ZNF732: variants seen among roughly 807,000 people sequenced by gnomAD.
ZNF732 encodes zinc finger protein 732, also known as zinc finger protein LOC654254.
A neutral mutation model predicts 11.5 loss-of-function variants in ZNF732; 12 were observed. The ratio of observed to expected loss-of-function variants is 1.05; its 90% confidence interval spans 0.67 to 1.70. ZNF732 has a LOEUF of 1.70. Ranked by LOEUF, ZNF732 falls within the 40% of genes most tolerant of loss-of-function variation. ZNF732 has a pLI of 0.00. For synonymous variants in ZNF732, 231 were observed against 236.5 expected (o/e 0.98, Z 0.21); for missense variants, 702 against 676.9 (o/e 1.04, Z -0.41).
intron 3 of ZNF732, among the ~76,000 whole-genome samples, chr4:287,329 C>G (rs1719752048): frequency 6.6e-6 from 1 of 151,694 alleles, no homozygotes; most frequent in South Asian, 2.1e-4. Flanking sequence ...ATTCTCCTGC[C>G]TCAGCCTCCC....
chr4:284,835 C>T (rs1379931042), intron 3 of ZNF732, among the ~76,000 whole-genome samples: 2 of 134,262 alleles, frequency 1.5e-5, no homozygotes, highest in Non-Finnish European at 3.1e-5. Flanking sequence ...CACACCACTG[C>T]ACTCCAGCCC....
intron 1 of ZNF732, among the ~76,000 whole-genome samples, chr4:302,126 G>A (rs1720130416): frequency 6.6e-6 from 1 of 152,204 alleles, no homozygotes; most frequent in South Asian, 2.1e-4. Context: ...GGAGCACTTT[G>A]CTGCACTTTG....
At chr4:274,130 A>G (rs782405677) in intron 3 of ZNF732, among the ~76,000 whole-genome samples, 1 of 151,828 alleles carries the variant, frequency 6.6e-6, no homozygotes, top group African/African-American at 2.4e-5. Flanking sequence ...ATCATATTAC[A>G]GAAAATATTG....
intron 3 of ZNF732, among the ~76,000 whole-genome samples, chr4:274,683 G>C (rs1290967756): frequency 6.6e-6 from 1 of 151,486 alleles, no homozygotes; most frequent in Non-Finnish European, 1.5e-5. Flanking sequence ...TGAAAGAAGA[G>C]ATTTCATGCA....
At chr4:282,120 TAA>T (rs1367757908) in intron 3 of ZNF732, among the ~76,000 whole-genome samples, 1 of 152,174 alleles carries the variant, frequency 6.6e-6, no homozygotes, top group African/African-American at 2.4e-5. Flanking sequence ...TCAACAAACT[TAA>T]AAGTCATTTG....
chr4:286,544 CAAG>C (rs1560160691), intron 3 of ZNF732, among the ~76,000 whole-genome samples: 1 of 152,160 alleles, frequency 6.6e-6, no homozygotes, highest in Admixed American at 6.5e-5. Flanking sequence ...AAGCCAGGCA[CAAG>C]AAGACAAGTG....
At position 305,417 on chromosome 4, in the gene ZNF732, T is replaced by A; in HGVS notation, c.-107A>T. ...TGTGACCGAATCACCGACGCCTCCC[T>A]GAGGGGTGAAAGCACGGCCGTGGAG... On this transcript the variant is annotated 5_prime_UTR_variant, in exon 1 of 4. Transcript: ENST00000419098. 1 of 1,519,374 alleles carries A rather than the reference T, an allele frequency of 6.6e-7. No homozygotes were observed. The highest frequency in any genetic ancestry group is 1.1e-5 in the South Asian group (1 of 88,088). 94.1% of individuals were successfully genotyped at this position (1,519,374 alleles called of 1,614,324 possible).
Position 271,203 on chromosome 4 carries a change from G to C in ZNF732, c.1654C>G (p.His552Asp). The change falls in exon 4 of 4, where the codon CAT becomes GAT. Residue 552 changes from histidine (H) to aspartate (D), a missense_variant. His to Asp is a moderately conservative substitution (Grantham distance 81). Coordinates refer to ENST00000419098, the MANE Select transcript of ZNF732 (RefSeq NM_001137608.3). ...SRVLNKYKTI[H>D]TGDKTPKCKG... ...CATTTGGGGGTTTTATCTCCAGTAT[G>C]AATTGTCTTATATTTATTCAGGACT... 1 of 1,555,520 alleles carries C rather than the reference G, an allele frequency of 6.4e-7. No individual in the cohort carries two copies. Among genetic ancestry groups the C allele is most frequent in the Non-Finnish European group, 8.7e-7 (1 of 1,149,048 alleles).
At chr4:299,155 G>A (rs1458618321) in intron 1 of ZNF732, among the ~76,000 whole-genome samples, 2 of 151,848 alleles carry the variant, frequency 1.3e-5, no homozygotes, top group Non-Finnish European at 2.9e-5. Context: ...GTTACAGTAA[G>A]CAGAGTAAAA....
At chr4:295,399 C>T (rs1719925335) in intron 3 of ZNF732, 39 bp downstream of exon 3, 3 of 1,537,064 alleles carry the variant, frequency 2.0e-6, no homozygotes, top group Non-Finnish European at 2.7e-6. Context: ...GACCTTGGTC[C>T]CCTGGCCTGT....
chr4:270,733 C>A lies in ZNF732; in HGVS notation c.*366G>T, dbSNP rs192548301. On this transcript the variant is annotated 3_prime_UTR_variant, in exon 4 of 4. Coordinates refer to ENST00000419098, the MANE Select transcript of ZNF732 (RefSeq NM_001137608.3). ...CTCATGTTTATTTATGGGTGAGGAC[C>A]GTTTATAGGCTTTCCCACATTCTTT... The A allele has an allele frequency of 1.2e-5, 5 of 425,676 alleles. No individual in the cohort carries two copies. Among genetic ancestry groups the A allele is most frequent in the Non-Finnish European group, 2.3e-5 (5 of 220,274 alleles). 26.4% of individuals were successfully genotyped at this position (425,676 alleles called of 1,614,324 possible). A position where few individuals can be genotyped will look rare whatever the true frequency, so the allele number is the denominator to read the frequency against.
chr4:275,147 T>A (rs1380437715), intron 3 of ZNF732, among the ~76,000 whole-genome samples: 1 of 151,668 alleles, frequency 6.6e-6, no homozygotes, highest in East Asian at 1.9e-4. Context: ...AGACTACATG[T>A]CAGGGCACAA....
At chr4:295,631 A>C in intron 2 of ZNF732, 98 bp from the exon 3 acceptor site, 1 of 1,067,698 alleles carries the variant, frequency 9.4e-7, no homozygotes, top group Non-Finnish European at 1.3e-6. Context: ...GGAAGATCCT[A>C]CATAATTAAT....
At chr4:296,291 A>G in intron 1 of ZNF732, 136 bp from the exon 2 acceptor site, 1 of 1,227,028 alleles carries the variant, frequency 8.1e-7, no homozygotes. Flanking sequence ...TGTTCTCTAA[A>G]GTATTCTATA....
At chr4:292,419 T>C (rs1719857355) in intron 3 of ZNF732, among the ~76,000 whole-genome samples, 2 of 151,698 alleles carry the variant, frequency 1.3e-5, no homozygotes, top group Admixed American at 6.6e-5. Context: ...TAGCTGGGCA[T>C]GGTGGGGCAT....
intron 1 of ZNF732, among the ~76,000 whole-genome samples, 199 bp downstream of exon 1, chr4:305,109 C>G (rs782618870): frequency 2.0e-5 from 3 of 152,174 alleles, no homozygotes; most frequent in Admixed American, 6.5e-5. Flanking sequence ...CAGAGCTGCA[C>G]AAGTAGGGCT....
rs1720169907 is a variant in ZNF732, at chr4:303,813, G to T, written c.3+1495C>A. Among the ~76,000 whole-genome samples the T allele has an allele frequency of 2.6e-5, 4 of 152,112 alleles. No homozygotes were observed. The South Asian group carries it at 8.3e-4, about 31-fold the overall frequency. On this transcript the variant is annotated intron_variant, in intron 1 of 3. Coordinates refer to ENST00000419098, the MANE Select transcript of ZNF732 (RefSeq NM_001137608.3). ...CGCAGGCAAGTGAGGGATGGACTTG[G>T]GCACACTGTGTGCACAGGAAATAAG...
At position 272,418 on chromosome 4, in the gene ZNF732, C is replaced by T. The variant is rs1553837935; in HGVS notation, c.439G>A (p.Val147Ile). Residue 147 changes from valine (V) to isoleucine (I), a missense_variant, in exon 4 of 4, where the codon GTC (valine) becomes ATC (isoleucine). Physicochemically the swap from Val to Ile is conservative, Grantham distance 29 (BLOSUM62 3). Around this residue, in one of 3 missense-constraint regions of ZNF732, gnomAD observed 596 missense variants for 557.9 expected, o/e 1.07. Transcript: ENST00000419098. ...TTTGAAAATGTACTAAATACTTTGA[C>T]ATGTACATTACACTGAAATATTTTG... ...QSKIFQCNVHVKVFSTFSNSN... is the reference protein window; with the variant it reads ...QSKIFQCNVHIKVFSTFSNSN... 6.3e-7 allele frequency: 1 copy of T among 1,596,292 alleles called. No homozygotes were observed. The highest frequency in any genetic ancestry group is 1.8e-5 in the Admixed American group (1 of 56,606).
At position 272,611 on chromosome 4, in the gene ZNF732, G is replaced by A. The variant is rs181096689; in HGVS notation, c.246C>T (p.Thr82=). ...AKHPAVCSHF[T]QDFLPVQGIE... is the part of the protein sequence containing the mutation. ...TCCCCTGCACTGGCAAAAAGTCTTG[G>A]GTGAAATGAGAACACACAGCTGAAA... The change falls in exon 4 of 4, where the codon ACC becomes ACT. Residue 82 remains threonine, a synonymous_variant. Transcript: ENST00000419098. 5 of 1,523,932 alleles carry A rather than the reference G, an allele frequency of 3.3e-6. No individual in the cohort carries two copies. The highest frequency in any genetic ancestry group is 2.3e-5 in the East Asian group (1 of 44,198). The allele number at this position is 1,523,932 out of a possible 1,614,324, so 94.4% of individuals were successfully genotyped here. A position where few individuals can be genotyped will look rare whatever the true frequency, so the allele number is the denominator to read the frequency against.
Sources: gnomAD v4.1 joint callset for allele counts (sites outside exome capture counted in the v4.1 genomes callset) on GRCh38, gnomAD v4.1.1 for gene constraint, gnomAD v4.1.1 regional missense constraint, MANE v1.5 for transcripts, NCBI Gene and HGNC (gene_info 2026-07-23, HGNC 2026-07-21) for gene names.